UMAD1: variants seen among roughly 807,000 people sequenced by gnomAD.
The protein encoded by UMAD1 is UBAP1-MVB12-associated (UMA)-domain containing protein 1.
UMAD1 carries 8 observed loss-of-function variants against 6.1 expected under a neutral mutation model. The observed-to-expected ratio is 1.30, with a 90% CI of 0.76 to 2.35. UMAD1 has a LOEUF of 2.35. UMAD1 is among the 30% of genes most tolerant of loss of function. The pLI, the probability that UMAD1 is intolerant of heterozygous loss-of-function variation, is 0.00. For missense variants in UMAD1, 130 were observed against 78.4 expected, an observed-to-expected ratio of 1.66 and a Z score of -2.49; for synonymous variants, 56 against 31.4, an observed-to-expected ratio of 1.78 and a Z score of -2.61.
chr7:7,720,772 G>A (rs959916673), intron 2 of UMAD1, among the ~76,000 whole-genome samples: 1 of 152,162 alleles, frequency 6.6e-6, no homozygotes, highest in Non-Finnish European at 1.5e-5. Context: ...CTAAGTGCAG[G>A]TGTGCTGCCT....
chr7:7,826,773 G>A (rs1470063982), intron 3 of UMAD1, among the ~76,000 whole-genome samples: 1 of 152,052 alleles, frequency 6.6e-6, no homozygotes, highest in African/African-American at 2.4e-5. Flanking sequence ...CAGCAAGGAA[G>A]GCTCAGAAAT....
intron 3 of UMAD1, among the ~76,000 whole-genome samples, chr7:7,844,557 A>G (rs536412651): frequency 2.0e-5 from 3 of 152,288 alleles, no homozygotes; most frequent in African/African-American, 7.2e-5. Flanking sequence ...CATTGATGTT[A>G]AGATCAAAAT....
chr7:7,789,948 C>T (rs181492157), intron 2 of UMAD1, among the ~76,000 whole-genome samples: 3 of 152,240 alleles, frequency 2.0e-5, no homozygotes, highest in Middle Eastern at 3.4e-3. Context: ...ACTCTGCTTT[C>T]GGTTCCTTTG....
intron 3 of UMAD1, among the ~76,000 whole-genome samples, chr7:7,862,394 AT>A (rs1241597833): frequency 6.6e-6 from 1 of 152,190 alleles, no homozygotes; most frequent in Non-Finnish European, 1.5e-5. Context: ...ATCATTTCTC[AT>A]TGTTTTCCTT....
chr7:7,717,249 G>A (rs1265048641), intron 2 of UMAD1, among the ~76,000 whole-genome samples: 2 of 151,884 alleles, frequency 1.3e-5, no homozygotes, highest in African/African-American at 4.8e-5. Context: ...TAGAGACTGG[G>A]TTTCACCACG....
rs1001531058 is a variant in UMAD1 at position 7,716,008 on chromosome 7, G to A, written c.82+42555G>A. 1.1e-4 allele frequency among the ~76,000 whole-genome samples: 17 copies of A among 151,486 alleles called. No homozygotes were observed. In the East Asian group the frequency reaches 1.2e-3, roughly 10 times the overall value. On this transcript the variant is annotated intron_variant, in intron 2 of 3. Transcript: ENST00000682710. ...TGTTTTTAAGTATCTCAGACAAATC[G>A]AATAATTTTTTAAATTAGAAACTAA...
intron 2 of UMAD1, among the ~76,000 whole-genome samples, chr7:7,765,424 G>T (rs991247279): frequency 6.6e-6 from 1 of 151,968 alleles, no homozygotes; most frequent in African/African-American, 2.4e-5. Flanking sequence ...TTGATTTTTG[G>T]CTACTCTTAT....
intron 2 of UMAD1, among the ~76,000 whole-genome samples, chr7:7,753,907 G>C (rs567392787): frequency 6.6e-6 from 1 of 152,082 alleles, no homozygotes; most frequent in African/African-American, 2.4e-5. Context: ...GTACGGGCCC[G>C]GTGTGGTGGC....
chr7:7,685,018 A>G (rs1466790830), intron 2 of UMAD1, among the ~76,000 whole-genome samples: 1 of 152,094 alleles, frequency 6.6e-6, no homozygotes, highest in African/African-American at 2.4e-5. Flanking sequence ...GTCAGATTTA[A>G]CTCAAAAATT....
At chr7:7,713,799 GT>G (rs1374412075) in intron 2 of UMAD1, among the ~76,000 whole-genome samples, 27 of 151,882 alleles carry the variant, frequency 1.8e-4, no homozygotes, top group African/African-American at 6.5e-4. Flanking sequence ...CCATTCGTTT[GT>G]CATTTTGCAC....
chr7:7,824,228 C>T (rs973798012), intron 3 of UMAD1, among the ~76,000 whole-genome samples: 3 of 152,070 alleles, frequency 2.0e-5, no homozygotes, highest in East Asian at 1.9e-4. Flanking sequence ...AGCCTCACTC[C>T]ATTCCAAGTA....
chr7:7,659,432 G>T (rs886421196), intron 1 of UMAD1, among the ~76,000 whole-genome samples: 1 of 152,098 alleles, frequency 6.6e-6, no homozygotes, highest in African/African-American at 2.4e-5. Context: ...ACTTTCTCTT[G>T]TTGGCATTTA....
At chr7:7,717,263 G>T (rs1363845555) in intron 2 of UMAD1, among the ~76,000 whole-genome samples, 1 of 151,908 alleles carries the variant, frequency 6.6e-6, no homozygotes, top group Non-Finnish European at 1.5e-5. Context: ...CACCACGTTG[G>T]CCTGGCTGGT....
chr7:7,744,988 C>T lies in UMAD1; in HGVS notation c.83-56682C>T, dbSNP rs149967869. Among the ~76,000 whole-genome samples, 691 of 152,220 alleles carry T rather than the reference C, an allele frequency of 4.5e-3. 4 individuals are homozygous for T. The highest frequency in any genetic ancestry group is 0.015 in the African/African-American group (630 of 41,518). ...CCCCCAAAGCTTAAACTACTAATAG[C>T]CTACTGTTGACTGGAAGTCTTACTG... On this transcript the variant is annotated intron_variant, in intron 2 of 3. Coordinates refer to ENST00000682710, the MANE Select transcript of UMAD1 (RefSeq NM_001302348.2).
intron 2 of UMAD1, among the ~76,000 whole-genome samples, chr7:7,726,412 G>C (rs551142891): frequency 6.6e-6 from 1 of 152,352 alleles, no homozygotes; most frequent in African/African-American, 2.4e-5. Context: ...GAAGTAGCTG[G>C]ATTGATAGAA....
At chr7:7,833,646 A>C (rs1783506387) in intron 3 of UMAD1, among the ~76,000 whole-genome samples, 1 of 152,206 alleles carries the variant, frequency 6.6e-6, no homozygotes, top group Admixed American at 6.5e-5. Flanking sequence ...ACATTTACAC[A>C]AATAGGCAAA....
intron 2 of UMAD1, among the ~76,000 whole-genome samples, chr7:7,688,190 C>T (rs1310143441): frequency 6.6e-6 from 1 of 152,086 alleles, no homozygotes; most frequent in Admixed American, 6.5e-5. Flanking sequence ...AGATCTGTAA[C>T]CCCCAAAATA....
chr7:7,821,937 C>A (rs1402767782), intron 3 of UMAD1, among the ~76,000 whole-genome samples: 1 of 152,046 alleles, frequency 6.6e-6, no homozygotes, highest in Non-Finnish European at 1.5e-5. Context: ...TTATTTACAA[C>A]CCTTGAGTAA....
Position 7,761,938 on chromosome 7 carries a change from CT to C in UMAD1, c.83-39726del, listed in dbSNP as rs557020411. Among the ~76,000 whole-genome samples, 631 of 152,106 alleles carry C rather than the reference CT, an allele frequency of 4.1e-3. 2 individuals carry two copies. The highest frequency in any genetic ancestry group is 7.5e-3 in the Non-Finnish European group (513 of 67,980). On this transcript the variant is annotated intron_variant, in intron 2 of 3. Coordinates refer to ENST00000682710, the MANE Select transcript of UMAD1 (RefSeq NM_001302348.2). ...TTTTCCCTCAGTTTCCATTCTTGTG[CT>C]TTTTTATACAGTGGGCGCTCAATAA...
Sources: allele counts gnomAD v4.1 joint callset (sites outside exome capture counted in the v4.1 genomes callset), GRCh38; gene constraint gnomAD v4.1.1; transcripts MANE v1.5; gene names NCBI Gene and HGNC (gene_info 2026-07-23, HGNC 2026-07-21).